Variants in CD44 observed in about 807,000 individuals in gnomAD.
The protein encoded by CD44 is CD44 molecule (IN blood group), also known as CD44 antigen.
A neutral mutation model predicts 88.8 loss-of-function variants in CD44; 49 were observed. The ratio of observed to expected loss-of-function variants is 0.55; its 90% CI spans 0.44 to 0.70. The LOEUF (loss-of-function observed/expected upper bound fraction) is 0.70. CD44 is among the 30% of genes least tolerant of loss of function. The pLI is 0.00. For synonymous variants in CD44, 325 were observed against 312.3 expected, an observed-to-expected ratio of 1.04 and a Z score of -0.43; for missense variants, 883 against 913.8, an observed-to-expected ratio of 0.97 and a Z score of 0.43.
In CD44 at chr11:35,208,123, G is replaced by C. The variant is rs749781691; in HGVS notation, c.1433G>C (p.Ser478Thr). ...CCTTCAGATATGGACTCCAGTCATA[G>C]TATAACGCTTCAGCCTACTGCAAAT... is the stretch of plus-strand genomic sequence containing the variant. The part of the protein sequence containing the change: ...GRRMDMDSSH[S>T]ITLQPTANPN... The change falls in exon 12 of 18, where the codon AGT (serine) becomes ACT (threonine). Residue 478 changes from serine to threonine, a missense_variant. Ser to Thr is a moderately conservative substitution (Grantham distance 58, BLOSUM62 1). Around this residue, in one of 2 missense-constraint regions of CD44, gnomAD observed 631 missense variants for 590.9 expected, o/e 1.07. Coordinates refer to ENST00000428726, the MANE Select transcript of CD44 (RefSeq NM_000610.4). 6.2e-7 allele frequency: 1 copy of C among 1,607,208 alleles called. No individual in the cohort carries two copies. The highest frequency in any genetic ancestry group is 8.5e-7 in the Non-Finnish European group (1 of 1,173,818).
At chr11:35,195,152 C>T (rs976507082) in intron 5 of CD44, among the ~76,000 whole-genome samples, 7 of 152,266 alleles carry the variant, frequency 4.6e-5, no homozygotes, top group South Asian at 4.1e-4. Flanking sequence ...TGGGGAAAAA[C>T]GATTCAAGGC....
At chr11:35,214,130 T>C (rs984297321) in intron 14 of CD44, 3 of 152,206 alleles carry the variant, frequency 2.0e-5, no homozygotes, top group Non-Finnish European at 4.4e-5. Flanking sequence ...TCTAAAGCTT[T>C]CTGGTGATAG....
chr11:35,205,954 A>G (rs574808107), intron 10 of CD44, 158 bp from the exon 11 acceptor site: 3 of 1,281,190 alleles, frequency 2.3e-6, no homozygotes, highest in Non-Finnish European at 3.0e-6. Flanking sequence ...AAGCTGCTGA[A>G]ACATTCTGCG....
At chr11:35,222,975 T>A (rs1949425335) in intron 17 of CD44, 16 of 985,268 alleles carry the variant, frequency 1.6e-5, no homozygotes, top group South Asian at 4.7e-5. Context: ...TCCAACACCA[T>A]GGGCAGCCCA....
chr11:35,142,671 C>T (rs1590853430), intron 1 of CD44, among the ~76,000 whole-genome samples: 3 of 152,334 alleles, frequency 2.0e-5, no homozygotes, highest in South Asian at 2.1e-4. Context: ...CCCATTTACA[C>T]ATTGGACATC....
At chr11:35,172,090 G>A (rs1332654507) in intron 1 of CD44, among the ~76,000 whole-genome samples, 1 of 152,152 alleles carries the variant, frequency 6.6e-6, no homozygotes, top group Non-Finnish European at 1.5e-5. Flanking sequence ...CTTCCAGAAA[G>A]TTAACAAACA....
At chr11:35,161,487 G>A (rs114505404) in intron 1 of CD44, among the ~76,000 whole-genome samples, 2,815 of 152,282 alleles carry the variant, frequency 0.018, 99 homozygotes, top group African/African-American at 0.065. Context: ...GGATGGCATA[G>A]ATGTCAGGGG....
At chr11:35,190,630 G>C (rs537415831) in intron 5 of CD44, among the ~76,000 whole-genome samples, 1 of 152,294 alleles carries the variant, frequency 6.6e-6, no homozygotes, top group African/African-American at 2.4e-5. Flanking sequence ...AGGCATACGT[G>C]GGTCAACTGT....
chr11:35,223,191 T>G (rs1367989255), intron 17 of CD44: 1 of 984,460 alleles, frequency 1.0e-6, no homozygotes, highest in African/African-American at 1.8e-5. Context: ...TATGATTGAA[T>G]GGAAAGATTT....
chr11:35,169,215 A>G (rs982186460), intron 1 of CD44, among the ~76,000 whole-genome samples: 1 of 152,110 alleles, frequency 6.6e-6, no homozygotes, highest in African/African-American at 2.4e-5. Flanking sequence ...AGGCTGTACT[A>G]GGTACTGGGA....
At position 35,217,570 on chromosome 11, in the gene CD44, T is replaced by A. The variant is rs74329245; in HGVS notation, c.1874-1746T>A. 2.0e-5 allele frequency among the ~76,000 whole-genome samples: 3 copies of A among 152,330 alleles called. No homozygotes were observed. The East Asian group carries it at 5.8e-4, about 29-fold the overall frequency. ...ACTGTCAACATAGGATAGGGGATGTTGAAACACCCAGATGTCTGGTAGGAA... is the reference window on the plus strand; with the variant it reads ...ACTGTCAACATAGGATAGGGGATGTAGAAACACCCAGATGTCTGGTAGGAA... On this transcript the variant is annotated intron_variant, in intron 15 of 17. Transcript: ENST00000428726.
chr11:35,229,500 G>A lies in CD44; in HGVS notation c.*167G>A, dbSNP rs1460576307. 7.0e-6 allele frequency: 4 copies of A among 572,514 alleles called. No homozygotes were observed. The highest frequency in any genetic ancestry group is 6.2e-6 in the Non-Finnish European group (2 of 323,596). 35.5% of individuals were successfully genotyped at this position (572,514 alleles called of 1,614,324 possible). A position where few individuals can be genotyped will look rare whatever the true frequency, so the allele number is the denominator to read the frequency against. On this transcript the variant is annotated 3_prime_UTR_variant, in exon 18 of 18. Coordinates refer to ENST00000428726, the MANE Select transcript of CD44 (RefSeq NM_000610.4). ...TTTTGTGTTTTGTTCTTTAAAGTCA[G>A]GTCCAATTTGTAAAAACAGCATTGC...
chr11:35,158,141 T>C (rs1942145900), intron 1 of CD44, among the ~76,000 whole-genome samples: 1 of 152,246 alleles, frequency 6.6e-6, no homozygotes, highest in African/African-American at 2.4e-5. Flanking sequence ...TGGTTTCTTC[T>C]CCAAAAGTAG....
intron 1 of CD44, among the ~76,000 whole-genome samples, chr11:35,162,853 T>C (rs1942799854): frequency 6.6e-6 from 1 of 152,096 alleles, no homozygotes; most frequent in Admixed American, 6.6e-5. Context: ...GCTTCTTATG[T>C]GCATGCTCTT....
chr11:35,206,672 G>GC (rs1565132312), intron 11 of CD44, among the ~76,000 whole-genome samples: 4 of 150,756 alleles, frequency 2.7e-5, no homozygotes, highest in African/African-American at 7.3e-5. Flanking sequence ...GGGTTGGTGG[G>GC]GGGGGCAGTT....
intron 2 of CD44, 125 bp downstream of exon 2, chr11:35,176,865 A>C: frequency 2.2e-6 from 2 of 904,680 alleles, no homozygotes; most frequent in Non-Finnish European, 3.3e-6. Flanking sequence ...AACCCCACGT[A>C]TTAATTTGGC....
intron 1 of CD44, among the ~76,000 whole-genome samples, chr11:35,169,592 T>C (rs973498220): frequency 1.3e-5 from 2 of 152,210 alleles, no homozygotes; most frequent in South Asian, 4.1e-4. Context: ...ACGTAGATAA[T>C]GGCAACTTGG....
chr11:35,201,571 G>A (rs951696818), intron 8 of CD44, 100 bp from the exon 9 acceptor site: 6 of 1,439,128 alleles, frequency 4.2e-6, no homozygotes, highest in Non-Finnish European at 5.7e-6. Context: ...GTAACACTTT[G>A]GCATAGAATT....
rs1186137568 is a variant in CD44, at chr11:35,229,669, C to T, written c.*336C>T. ...GTATTCCTGATCGCCAACCTTTCCC[C>T]CACCAGCTAAGGACATTTCCCAGGG... On this transcript the variant is annotated 3_prime_UTR_variant, in exon 18 of 18. Transcript: ENST00000428726. The T allele has an allele frequency of 1.2e-5, 3 of 259,106 alleles. No individual in the cohort carries two copies. Among genetic ancestry groups the T allele is most frequent in the Non-Finnish European group, 2.3e-5 (3 of 132,656 alleles). 16.1% of individuals were successfully genotyped at this position (259,106 alleles called of 1,614,324 possible).
Sources: gnomAD v4.1 joint callset for allele counts (sites outside exome capture counted in the v4.1 genomes callset) on GRCh38, gnomAD v4.1.1 for gene constraint, gnomAD v4.1.1 regional missense constraint, MANE v1.5 for transcripts, NCBI Gene and HGNC (gene_info 2026-07-23, HGNC 2026-07-21) for gene names.